The following C8orf34 variants were observed in gnomAD, a reference collection of about 807,000 sequenced individuals.
C8orf34 encodes chromosome 8 open reading frame 34.
Under a neutral mutation model 68.3 loss-of-function variants are expected in C8orf34, and 65 were observed. That is an observed-to-expected ratio of 0.95 (90% CI 0.78 to 1.17). The LOEUF is 1.17. C8orf34 is among the 50% of genes most tolerant of loss of function. The probability of loss-of-function intolerance (pLI) is 0.00; values close to 1 mark genes in which losing one functional copy is unlikely to be tolerated. For missense variants in C8orf34, 664 were observed against 655.4 expected (o/e 1.01, Z -0.14); for synonymous variants, 244 against 241.2 (o/e 1.01, Z -0.11).
At chr8:68,481,642 G>C (rs1255762067) in intron 4 of C8orf34, among the ~76,000 whole-genome samples, 1 of 152,208 alleles carries the variant, frequency 6.6e-6, no homozygotes, top group East Asian at 1.9e-4. Flanking sequence ...ATGAGACCTG[G>C]AGTTAAAGGA....
intron 12 of C8orf34, among the ~76,000 whole-genome samples, chr8:68,815,501 G>T (rs1354288471): frequency 6.6e-6 from 1 of 152,166 alleles, no homozygotes; most frequent in Non-Finnish European, 1.5e-5. Flanking sequence ...TGAATAAGCT[G>T]TGTTAGGGGA....
At chr8:68,357,483 C>G (rs1262498728) in intron 1 of C8orf34, among the ~76,000 whole-genome samples, 2 of 152,082 alleles carry the variant, frequency 1.3e-5, no homozygotes, top group African/African-American at 4.8e-5. Flanking sequence ...GTAGGGAACA[C>G]AGAGATCAAC....
At chr8:68,617,940 G>A (rs1201461603) in intron 7 of C8orf34, among the ~76,000 whole-genome samples, 1 of 151,928 alleles carries the variant, frequency 6.6e-6, no homozygotes, top group Non-Finnish European at 1.5e-5. Flanking sequence ...TGTAGATTTG[G>A]TCTTTTCACA....
intron 1 of C8orf34, among the ~76,000 whole-genome samples, chr8:68,384,920 C>T (rs764961202): frequency 6.6e-6 from 1 of 152,106 alleles, no homozygotes; most frequent in African/African-American, 2.4e-5. Flanking sequence ...GATAGATTTT[C>T]TATCAAAGAG....
chr8:68,443,910 A>C (rs1165992892), intron 2 of C8orf34, among the ~76,000 whole-genome samples: 2 of 152,122 alleles, frequency 1.3e-5, no homozygotes, highest in South Asian at 4.1e-4. Flanking sequence ...CCTTTGTGGG[A>C]ATAAAAGACA....
At chr8:68,331,894 TGAG>T (rs1466838840) in intron 1 of C8orf34, among the ~76,000 whole-genome samples, 1 of 135,776 alleles carries the variant, frequency 7.4e-6, no homozygotes, top group African/African-American at 2.8e-5. Context: ...GCTGAACTGG[TGAG>T]GAGTAGGCTT....
At chr8:68,577,894 C>T (rs1347382) in intron 7 of C8orf34, among the ~76,000 whole-genome samples, 10,525 of 150,372 alleles carry the variant, frequency 0.07, 399 homozygotes, top group East Asian at 0.12. Context: ...CATACAAACA[C>T]GAAAAAAAAA....
chr8:68,787,690 G>A (rs1823883899), intron 12 of C8orf34, 154 bp downstream of exon 12: 1 of 497,670 alleles, frequency 2.0e-6, no homozygotes, highest in Non-Finnish European at 3.7e-6. Flanking sequence ...CTATCCTTCA[G>A]GTCTATGTCT....
intron 9 of C8orf34, among the ~76,000 whole-genome samples, chr8:68,716,108 T>C (rs1361248224): frequency 6.6e-6 from 1 of 151,472 alleles, no homozygotes; most frequent in South Asian, 2.1e-4. Flanking sequence ...ATGTGGGAGC[T>C]AAGCTATGAG....
chr8:68,352,616 G>A (rs1018201375), intron 1 of C8orf34, among the ~76,000 whole-genome samples: 1 of 152,030 alleles, frequency 6.6e-6, no homozygotes, highest in African/African-American at 2.4e-5. Flanking sequence ...TTGTCTCAGG[G>A]ACCCTTCCTA....
intron 1 of C8orf34, among the ~76,000 whole-genome samples, chr8:68,406,246 G>T (rs1030867101): frequency 2.0e-5 from 3 of 152,100 alleles, no homozygotes; most frequent in Non-Finnish European, 4.4e-5. Context: ...CGTAGTTTTG[G>T]TCTTTCTTAT....
intron 9 of C8orf34, among the ~76,000 whole-genome samples, chr8:68,717,214 T>A (rs965722822): frequency 6.6e-6 from 1 of 151,896 alleles, no homozygotes; most frequent in African/African-American, 2.4e-5. Context: ...TTTATAAAGC[T>A]CCAAAAAGCA....
At chr8:68,529,145 C>T (rs1815140824) in intron 6 of C8orf34, among the ~76,000 whole-genome samples, 2 of 152,330 alleles carry the variant, frequency 1.3e-5, no homozygotes, top group South Asian at 4.1e-4. Flanking sequence ...CTCTGTCTTT[C>T]ATTCAATTTA....
chr8:68,442,803 C>T (rs1242335999), intron 2 of C8orf34, among the ~76,000 whole-genome samples: 1 of 152,112 alleles, frequency 6.6e-6, no homozygotes, highest in African/African-American at 2.4e-5. Context: ...AAGCTTAATG[C>T]ATGGTTTGTC....
At chr8:68,581,101 A>T (rs1263356049) in intron 7 of C8orf34, among the ~76,000 whole-genome samples, 1 of 152,160 alleles carries the variant, frequency 6.6e-6, no homozygotes, top group African/African-American at 2.4e-5. Context: ...ATATACATTT[A>T]TTTAATAAGT....
chr8:68,425,568 T>A, intron 1 of C8orf34, among the ~76,000 whole-genome samples: 1 of 152,144 alleles, frequency 6.6e-6, no homozygotes, highest in East Asian at 1.9e-4. Flanking sequence ...ATCTTTACGA[T>A]GAAAAGTACA....
intron 3 of C8orf34, among the ~76,000 whole-genome samples, chr8:68,460,741 T>C (rs562498822): frequency 2.6e-5 from 4 of 152,134 alleles, no homozygotes; most frequent in African/African-American, 9.7e-5. Context: ...TCCTGTCTGT[T>C]AGAAGGAAAA....
intron 7 of C8orf34, among the ~76,000 whole-genome samples, chr8:68,590,107 AAAG>A (rs1249102041): frequency 6.6e-6 from 1 of 150,834 alleles, no homozygotes; most frequent in Non-Finnish European, 1.5e-5. Context: ...GAAAGAAGAA[AAAG>A]AAAAGAGAAA....
intron 5 of C8orf34, among the ~76,000 whole-genome samples, chr8:68,503,515 TAATA>T (rs1813868841): frequency 6.6e-6 from 1 of 151,970 alleles, no homozygotes; most frequent in African/African-American, 2.4e-5. Flanking sequence ...AACATTTTCA[TAATA>T]AAGAGTAAAA....
Sources: gnomAD v4.1 joint callset for allele counts (sites outside exome capture counted in the v4.1 genomes callset) on GRCh38, gnomAD v4.1.1 for gene constraint, MANE v1.5 for transcripts, NCBI Gene and HGNC (gene_info 2026-07-23, HGNC 2026-07-21) for gene names.